The following CSMD1 variants were observed in gnomAD, a reference collection of about 807,000 sequenced individuals.
CSMD1 encodes the protein CUB and Sushi multiple domains 1, also known as CUB and sushi domain-containing protein 1.
CSMD1 carries 213 observed loss-of-function variants against 417.5 expected under a neutral mutation model. The observed-to-expected ratio is 0.51, with a 90% confidence interval of 0.46 to 0.57. The LOEUF (loss-of-function observed/expected upper bound fraction) is 0.57, where lower values mean the gene tolerates loss of function less well. Ranked by LOEUF, CSMD1 falls within the 20% of genes least tolerant of loss-of-function variation. The probability of loss-of-function intolerance (pLI) is 0.00; values close to 1 mark genes in which losing one functional copy is unlikely to be tolerated. For synonymous variants in CSMD1, 2,862 were observed against 1,736.8 expected, an observed-to-expected ratio of 1.65 and a Z score of -16.11; for missense variants, 6,923 against 4,529.7, an observed-to-expected ratio of 1.53 and a Z score of -15.17.
At chr8:3,750,500 T>C (rs1003410598) in intron 6 of CSMD1, among the ~76,000 whole-genome samples, 3 of 152,278 alleles carry the variant, frequency 2.0e-5, no homozygotes, top group Admixed American at 6.5e-5. Context: ...CAATCGACTA[T>C]GCTTTTTTTT....
intron 2 of CSMD1, among the ~76,000 whole-genome samples, chr8:4,486,134 T>TG (rs1801371806): frequency 9.7e-5 from 3 of 30,942 alleles, no homozygotes; most frequent in African/African-American, 4.0e-4. Context: ...TATATATATA[T>TG]ATACATACAT....
At chr8:3,470,247 A>T (rs950093331) in intron 11 of CSMD1, among the ~76,000 whole-genome samples, 3 of 152,142 alleles carry the variant, frequency 2.0e-5, no homozygotes, top group African/African-American at 7.2e-5. Context: ...AAATGTATTC[A>T]TGTTATTGTT....
intron 25 of CSMD1, among the ~76,000 whole-genome samples, chr8:3,306,267 T>C (rs10102215): frequency 0.085 from 12,934 of 152,264 alleles, 737 homozygotes; most frequent in Admixed American, 0.14. Context: ...TAAATATTTT[T>C]CATCCTTCCA....
chr8:4,324,609 GC>G (rs1243270609), intron 3 of CSMD1, among the ~76,000 whole-genome samples: 1 of 152,190 alleles, frequency 6.6e-6, no homozygotes, highest in Non-Finnish European at 1.5e-5. Flanking sequence ...CAGGTCAGTG[GC>G]CATTTATGAC....
chr8:4,810,134 C>A (rs569013160), intron 1 of CSMD1, among the ~76,000 whole-genome samples: 1 of 152,152 alleles, frequency 6.6e-6, no homozygotes, highest in Admixed American at 6.5e-5. Context: ...AGGATTTAAG[C>A]CTACCATTTT....
intron 1 of CSMD1, among the ~76,000 whole-genome samples, chr8:4,690,433 G>A (rs1450383379): frequency 6.6e-6 from 1 of 152,118 alleles, no homozygotes; most frequent in African/African-American, 2.4e-5. Flanking sequence ...CAAAAAAGAA[G>A]AAAGTTGCAG....
At chr8:3,762,117 C>T (rs976394880) in intron 5 of CSMD1, among the ~76,000 whole-genome samples, 1 of 152,136 alleles carries the variant, frequency 6.6e-6, no homozygotes, top group Non-Finnish European at 1.5e-5. Context: ...TTGGCTCATT[C>T]TGCTTTCCAG....
intron 1 of CSMD1, among the ~76,000 whole-genome samples, chr8:4,674,161 G>T (rs556217027): frequency 6.6e-6 from 1 of 152,128 alleles, no homozygotes; most frequent in Non-Finnish European, 1.5e-5. Context: ...TAGATGAGGT[G>T]GGAAAATCGA....
chr8:4,880,359 G>A (rs1050854277), intron 1 of CSMD1, among the ~76,000 whole-genome samples: 1 of 152,022 alleles, frequency 6.6e-6, no homozygotes, highest in Non-Finnish European at 1.5e-5. Flanking sequence ...TTTACTTGAC[G>A]TCTGAACACA....
At chr8:3,256,905 C>A (rs1007365838) in intron 26 of CSMD1, among the ~76,000 whole-genome samples, 1 of 152,062 alleles carries the variant, frequency 6.6e-6, no homozygotes, top group South Asian at 2.1e-4. Context: ...ATTCACAATG[C>A]AAAAATAGAA....
intron 2 of CSMD1, among the ~76,000 whole-genome samples, chr8:4,454,616 G>A (rs1397722266): frequency 6.6e-6 from 1 of 152,180 alleles, no homozygotes; most frequent in African/African-American, 2.4e-5. Context: ...GGGCATAGCA[G>A]AAGGAAGCTG....
intron 2 of CSMD1, among the ~76,000 whole-genome samples, chr8:4,451,855 T>C (rs1323557127): frequency 1.3e-5 from 2 of 151,910 alleles, no homozygotes; most frequent in African/African-American, 2.4e-5. Flanking sequence ...CACTCATTTA[T>C]GCTTTCCCTT....
rs767171449 is a variant in CSMD1 at position 3,205,504 on chromosome 8, C to T, written c.4984G>A (p.Val1662Met). 4.2e-6 allele frequency: 6 copies of T among 1,437,608 alleles called. No homozygotes were observed. Among genetic ancestry groups the T allele is most frequent in the South Asian group, 2.5e-5 (2 of 80,546 alleles). The allele number at this position is 1,437,608 out of a possible 1,614,324, so 89.1% of individuals were successfully genotyped here. A position where few individuals can be genotyped will look rare whatever the true frequency, so the allele number is the denominator to read the frequency against. Residue 1662 changes from valine (V) to methionine (M), a missense_variant and splice_region_variant, in exon 31 of 70, where the codon GTG becomes ATG. Transcript: ENST00000635120. ...LYSITVPKEF[V>M]VFGQFAYFQT... ...ATTAAAAATACAAGGACATCCTTAC[C>T]GAATTCCTTTGGTACCGTGATGGAA...
At chr8:3,659,043 G>A (rs575917888) in intron 7 of CSMD1, among the ~76,000 whole-genome samples, 10 of 152,124 alleles carry the variant, frequency 6.6e-5, no homozygotes, top group South Asian at 2.1e-4. Context: ...TTAACACGGC[G>A]CCATTGCATC....
chr8:3,817,789 G>T (rs573182397), intron 5 of CSMD1, among the ~76,000 whole-genome samples: 1 of 152,074 alleles, frequency 6.6e-6, no homozygotes, highest in Non-Finnish European at 1.5e-5. Flanking sequence ...GCAGACCAAA[G>T]TCAGGAATGT....
intron 3 of CSMD1, among the ~76,000 whole-genome samples, chr8:4,396,054 T>C (rs1804185355): frequency 6.6e-6 from 1 of 152,226 alleles, no homozygotes; most frequent in Admixed American, 6.5e-5. Flanking sequence ...GCTATAATGT[T>C]GGCATGCATC....
intron 3 of CSMD1, among the ~76,000 whole-genome samples, chr8:4,213,406 A>C (rs1257386538): frequency 1.3e-5 from 2 of 152,084 alleles, no homozygotes; most frequent in Non-Finnish European, 2.9e-5. Context: ...CATCCTAATC[A>C]CTGCTGGTAG....
At chr8:3,620,765 A>G (rs1186614967) in intron 7 of CSMD1, among the ~76,000 whole-genome samples, 1 of 152,228 alleles carries the variant, frequency 6.6e-6, no homozygotes, top group Admixed American at 6.5e-5. Context: ...AAAATGCTGA[A>G]AGACATATGA....
chr8:4,986,755 G>C (rs1353546299), intron 1 of CSMD1, among the ~76,000 whole-genome samples: 1 of 152,090 alleles, frequency 6.6e-6, no homozygotes, highest in Non-Finnish European at 1.5e-5. Context: ...TTGAATGATG[G>C]ATACCGATAA....
Sources: gnomAD v4.1 joint callset for allele counts (sites outside exome capture counted in the v4.1 genomes callset) on GRCh38, gnomAD v4.1.1 for gene constraint, MANE v1.5 for transcripts, NCBI Gene and HGNC (gene_info 2026-07-23, HGNC 2026-07-21) for gene names.